The following TM9SF2 variants were observed in gnomAD, a reference collection of about 807,000 sequenced individuals.
TM9SF2 encodes the protein 76 kDa membrane protein.
TM9SF2 carries 13 observed loss-of-function variants against 84.9 expected under a neutral mutation model. The observed-to-expected ratio is 0.15, with a 90% CI of 0.10 to 0.24. The LOEUF is 0.24. Ranked by LOEUF, TM9SF2 falls within the 10% of genes least tolerant of loss-of-function variation. The probability of loss-of-function intolerance (pLI) is 1.00; values close to 1 mark genes in which losing one functional copy is unlikely to be tolerated. For missense variants in TM9SF2, 562 were observed against 818.5 expected (o/e 0.69, Z 3.82); for synonymous variants, 273 against 285.8 (o/e 0.96, Z 0.45).
At chr13:99,528,179 G>A (rs2046192268) in intron 3 of TM9SF2, among the ~76,000 whole-genome samples, 1 of 152,182 alleles carries the variant, frequency 6.6e-6, no homozygotes, top group Non-Finnish European at 1.5e-5. Context: ...AACCAAACAT[G>A]ATTTAAAATA....
At chr13:99,525,850 C>T (rs118098195) in intron 3 of TM9SF2, among the ~76,000 whole-genome samples, 4 of 152,240 alleles carry the variant, frequency 2.6e-5, no homozygotes, top group East Asian at 1.9e-4. Flanking sequence ...CCACCGCGCC[C>T]GGCCAGGAGG....
intron 3 of TM9SF2, among the ~76,000 whole-genome samples, chr13:99,520,562 G>A (rs2139079862): frequency 6.6e-6 from 1 of 152,200 alleles, no homozygotes; most frequent in South Asian, 2.1e-4. Context: ...GGGATTTTTG[G>A]AAGCTAATCT....
Position 99,501,744 on chromosome 13 carries a change from C to T in TM9SF2, c.138C>T (p.Phe46=), listed in dbSNP as rs1032917427. Residue 46 remains phenylalanine, a synonymous_variant, in exon 1 of 17, where the codon TTC becomes TTT. Transcript: ENST00000376387. The part of the protein sequence containing the change: ...FYLPGLAPVN[F]CDEEKKSDEC... The stretch of plus-strand genomic sequence containing the variant: ...TGCCCGGCCTGGCGCCCGTCAACTT[C>T]TGCGACGAAGAAAAAAAGAGCGACG... 1.9e-5 allele frequency: 31 copies of T among 1,611,918 alleles called. No homozygotes were observed. Among genetic ancestry groups the T allele is most frequent in the Non-Finnish European group, 2.5e-5 (30 of 1,179,608 alleles).
intron 4 of TM9SF2, among the ~76,000 whole-genome samples, chr13:99,532,272 G>A (rs1286653215): frequency 2.0e-5 from 3 of 151,502 alleles, no homozygotes; most frequent in Non-Finnish European, 4.4e-5. Flanking sequence ...GGATGGTCTC[G>A]ATCTCCTGAC....
intron 13 of TM9SF2, among the ~76,000 whole-genome samples, 194 bp downstream of exon 13, chr13:99,552,520 C>T (rs926961681): frequency 9.2e-5 from 14 of 152,150 alleles, no homozygotes; most frequent in Non-Finnish European, 4.4e-5. Flanking sequence ...ACTTAGGTTT[C>T]AAAGTTTTTT....
rs1353186773 is a variant in TM9SF2 at position 99,554,354 on chromosome 13, A to G, written c.1539A>G (p.Glu513=). 5 of 1,613,982 alleles carry G rather than the reference A, an allele frequency of 3.1e-6. No homozygotes were observed. The Admixed American group carries it at 5.0e-5, about 16-fold the overall frequency. Residue 513 remains glutamate (E), a synonymous_variant, in exon 14 of 17, where the codon GAA becomes GAG. Coordinates refer to ENST00000376387, the MANE Select transcript of TM9SF2 (RefSeq NM_004800.3). ...RTNQIPRQIP[E]QSFYTKPLPG... ...ATCAGATTCCACGTCAGATTCCTGAACAGTCGTTCTACACGAAGCCCTTGC... is the reference window on the plus strand; with the variant it reads ...ATCAGATTCCACGTCAGATTCCTGAGCAGTCGTTCTACACGAAGCCCTTGC...
chr13:99,521,100 T>C (rs1429494216), intron 3 of TM9SF2, among the ~76,000 whole-genome samples: 3 of 152,214 alleles, frequency 2.0e-5, no homozygotes, highest in African/African-American at 7.2e-5. Flanking sequence ...AATGGTCTTT[T>C]GCTTTTAGAA....
intron 3 of TM9SF2, among the ~76,000 whole-genome samples, chr13:99,525,679 C>T (rs1334463143): frequency 1.3e-5 from 2 of 151,966 alleles, no homozygotes; most frequent in African/African-American, 2.4e-5. Context: ...CCTCAGCCTC[C>T]CAAGTAGCTG....
At chr13:99,541,726 A>G (rs1231435967) in intron 9 of TM9SF2, 59 bp downstream of exon 9, 4 of 1,120,820 alleles carry the variant, frequency 3.6e-6, no homozygotes, top group Non-Finnish European at 3.8e-6. Flanking sequence ...GTTATTTTGC[A>G]AAAAGGTAAA....
chr13:99,546,042 A>G (rs985778629), intron 10 of TM9SF2, among the ~76,000 whole-genome samples: 6 of 152,158 alleles, frequency 3.9e-5, no homozygotes, highest in Non-Finnish European at 2.9e-5. Flanking sequence ...AGGGCAGTCC[A>G]TTTTTCAGGT....
intron 3 of TM9SF2, among the ~76,000 whole-genome samples, chr13:99,521,065 T>C (rs2046158033): frequency 6.6e-6 from 1 of 152,218 alleles, no homozygotes; most frequent in African/African-American, 2.4e-5. Flanking sequence ...TTGTTTTGTA[T>C]CTGTTCTCCT....
chr13:99,527,542 C>T (rs986295318), intron 3 of TM9SF2, among the ~76,000 whole-genome samples: 49 of 152,266 alleles, frequency 3.2e-4, no homozygotes, highest in African/African-American at 1.1e-3. Context: ...CCACGAGGTC[C>T]CTCCCCCAAC....
At chr13:99,531,325 G>A (rs1321753225) in intron 4 of TM9SF2, among the ~76,000 whole-genome samples, 1 of 152,158 alleles carries the variant, frequency 6.6e-6, no homozygotes, top group Non-Finnish European at 1.5e-5. Flanking sequence ...GTGGCGAACA[G>A]GAGGACTGTG....
chr13:99,503,732 A>AAT (rs1491280305), intron 1 of TM9SF2, among the ~76,000 whole-genome samples: 22 of 146,206 alleles, frequency 1.5e-4, no homozygotes, highest in East Asian at 6.2e-4. Flanking sequence ...AAAAAAAAAA[A>AAT]GAAGAAGAAG....
chr13:99,563,438 A>G lies in TM9SF2; in HGVS notation c.*680A>G, dbSNP rs886887481. On this transcript the variant is annotated 3_prime_UTR_variant, in exon 17 of 17. Transcript: ENST00000376387. Reference sequence around the variant, plus strand: ...ATATATTCAAGGAGGTTCTGTAAATACAGATCTATTTACCAAGGTGTTTTG... The same window carrying G: ...ATATATTCAAGGAGGTTCTGTAAATGCAGATCTATTTACCAAGGTGTTTTG... The G allele has an allele frequency of 2.6e-5, 4 of 152,230 alleles. No homozygotes were observed. Among genetic ancestry groups the G allele is most frequent in the Non-Finnish European group, 4.4e-5 (3 of 68,032 alleles). The allele number at this position is 152,230 out of a possible 1,614,324, so 9.4% of individuals were successfully genotyped here. A position where few individuals can be genotyped will look rare whatever the true frequency, so the allele number is the denominator to read the frequency against.
intron 2 of TM9SF2, among the ~76,000 whole-genome samples, chr13:99,518,604 T>C (rs984979333): frequency 6.6e-6 from 1 of 152,198 alleles, no homozygotes; most frequent in African/African-American, 2.4e-5. Flanking sequence ...CCAGGTTCTT[T>C]GTTTGCTTTT....
intron 4 of TM9SF2, among the ~76,000 whole-genome samples, chr13:99,530,837 T>C (rs1317692877): frequency 2.0e-5 from 3 of 151,888 alleles, no homozygotes; most frequent in East Asian, 1.9e-4. Context: ...TAGTATATAC[T>C]TATTATACAA....
At chr13:99,545,574 C>CTT (rs200291592) in intron 10 of TM9SF2, among the ~76,000 whole-genome samples, 15 of 147,372 alleles carry the variant, frequency 1.0e-4, no homozygotes, top group East Asian at 5.9e-4. Context: ...TTCTTTCTTT[C>CTT]TTTTTTTTTT....
intron 16 of TM9SF2, among the ~76,000 whole-genome samples, chr13:99,560,906 C>T (rs1157747263): frequency 6.6e-6 from 1 of 152,186 alleles, no homozygotes; most frequent in African/African-American, 2.4e-5. Context: ...TGGTCTCGAA[C>T]CCCTGACCTC....
Sources: allele counts gnomAD v4.1 joint callset (sites outside exome capture counted in the v4.1 genomes callset), GRCh38; gene constraint gnomAD v4.1.1; transcripts MANE v1.5; gene names NCBI Gene and HGNC (gene_info 2026-07-23, HGNC 2026-07-21).